PKIB: variants seen among roughly 807,000 people sequenced by gnomAD.
PKIB encodes the protein PKI-beta.
Under a neutral mutation model 4.5 loss-of-function variants are expected in PKIB, and 2 were observed. The observed-to-expected ratio is 0.44, with a 90% confidence interval of 0.18 to 1.39. The LOEUF is 1.39. Ranked by LOEUF, PKIB falls within the 40% of genes most tolerant of loss-of-function variation. The probability of loss-of-function intolerance (pLI) is 0.27; values close to 1 mark genes in which losing one functional copy is unlikely to be tolerated. For missense variants in PKIB, 94 were observed against 92.6 expected, an observed-to-expected ratio of 1.02 and a Z score of -0.06; for synonymous variants, 38 against 36.0, an observed-to-expected ratio of 1.06 and a Z score of -0.20.
At chr6:122,660,144 G>T (rs376836847) in intron 2 of PKIB, among the ~76,000 whole-genome samples, 2 of 152,184 alleles carry the variant, frequency 1.3e-5, no homozygotes, top group East Asian at 3.9e-4. Context: ...GAGCCTGGTG[G>T]ATTCTGACAT....
At chr6:122,509,692 A>C (rs547047604) in intron 2 of PKIB, among the ~76,000 whole-genome samples, 2 of 152,264 alleles carry the variant, frequency 1.3e-5, no homozygotes, top group Admixed American at 6.5e-5. Flanking sequence ...CGGCCTCCCA[A>C]AGTGCTGGGA....
chr6:122,628,280 G>A (rs1314714259), intron 1 of PKIB, among the ~76,000 whole-genome samples: 2 of 152,080 alleles, frequency 1.3e-5, no homozygotes, highest in Admixed American at 6.6e-5. Context: ...CAGGTGATCC[G>A]CCTACCTCGG....
chr6:122,590,090 G>A (rs578254875), intron 3 of PKIB, among the ~76,000 whole-genome samples: 2 of 152,200 alleles, frequency 1.3e-5, no homozygotes, highest in African/African-American at 2.4e-5. Context: ...TTGGGAAAAC[G>A]GTAAAGTATT....
intron 1 of PKIB, among the ~76,000 whole-genome samples, chr6:122,626,182 TACTA>T (rs1479685610): frequency 4.6e-5 from 7 of 152,250 alleles, no homozygotes; most frequent in African/African-American, 1.4e-4. Context: ...TGTGAACACT[TACTA>T]ATCAATATAC....
intron 3 of PKIB, among the ~76,000 whole-genome samples, chr6:122,702,122 C>G (rs886074512): frequency 6.6e-6 from 1 of 152,152 alleles, no homozygotes; most frequent in Non-Finnish European, 1.5e-5. Context: ...GAAAGACTCT[C>G]TTAATAACTT....
At chr6:122,629,182 G>A (rs183890641) in intron 1 of PKIB, among the ~76,000 whole-genome samples, 7 of 152,214 alleles carry the variant, frequency 4.6e-5, no homozygotes, top group Admixed American at 6.5e-5. Context: ...CTTGAATAAG[G>A]CTTTTCTCAG....
At chr6:122,638,675 A>G (rs1776019134) in intron 2 of PKIB, among the ~76,000 whole-genome samples, 1 of 152,036 alleles carries the variant, frequency 6.6e-6, no homozygotes, top group African/African-American at 2.4e-5. Context: ...TAGCACTTCA[A>G]CTCTTTTTAT....
chr6:122,680,030 A>C (rs1464356190), intron 3 of PKIB, among the ~76,000 whole-genome samples: 1 of 152,246 alleles, frequency 6.6e-6, no homozygotes, highest in East Asian at 1.9e-4. Flanking sequence ...TTCTGTAAAA[A>C]TAGGTCAATT....
At chr6:122,602,204 A>G (rs952002228) in intron 3 of PKIB, among the ~76,000 whole-genome samples, 4 of 152,178 alleles carry the variant, frequency 2.6e-5, no homozygotes, top group Admixed American at 2.6e-4. Context: ...GATGTAAATT[A>G]CTGTGCTTCA....
chr6:122,607,097 TA>T (rs1228295950), upstream of PKIB, among the ~76,000 whole-genome samples: 1 of 149,270 alleles, frequency 6.7e-6, no homozygotes, highest in Non-Finnish European at 1.5e-5. Flanking sequence ...ATAATAATAA[TA>T]AATAAATAAA....
intron 2 of PKIB, among the ~76,000 whole-genome samples, chr6:122,560,262 T>G (rs1772974261): frequency 6.6e-6 from 1 of 151,986 alleles, no homozygotes; most frequent in Admixed American, 6.6e-5. Flanking sequence ...AGATGTTGGA[T>G]TTTGTTGAAT....
chr6:122,474,634 C>T (rs984781095), intron 1 of PKIB, among the ~76,000 whole-genome samples: 2 of 152,166 alleles, frequency 1.3e-5, no homozygotes, highest in Non-Finnish European at 1.5e-5. Flanking sequence ...TAGACTTTAA[C>T]ATTCAAATAA....
chr6:122,675,032 T>C (rs564282581), intron 2 of PKIB, 46 bp from the exon 3 acceptor site: 1 of 150,918 alleles, frequency 6.6e-6, no homozygotes, highest in African/African-American at 2.5e-5. Context: ...ATTAACTGGA[T>C]TGCCACCTTT....
intron 2 of PKIB, among the ~76,000 whole-genome samples, chr6:122,562,004 G>GTTTTT (rs758656278): frequency 1.3e-5 from 1 of 79,478 alleles, no homozygotes; most frequent in African/African-American, 5.1e-5. Flanking sequence ...GTTTTTTTTT[G>GTTTTT]TTTTTTTTTT....
intron 2 of PKIB, among the ~76,000 whole-genome samples, chr6:122,563,554 C>G (rs1835474): frequency 0.15 from 22,854 of 151,872 alleles, 1,782 homozygotes; most frequent in East Asian, 0.21. Context: ...TCTTCTGCTA[C>G]CAGGGAGGGT....
intron 1 of PKIB, among the ~76,000 whole-genome samples, chr6:122,619,057 T>G (rs1775108327): frequency 6.6e-6 from 1 of 152,164 alleles, no homozygotes; most frequent in African/African-American, 2.4e-5. Context: ...TTTTTATGAA[T>G]TGTTATTTTA....
rs200010066 is a variant in PKIB at position 122,571,056 on chromosome 6, AC to A, written c.-247-14864del. ...AGAGAGATGGATATCATAAAAAAAA[AC>A]AATCAGAACTTCTGGAAATAAAAGA... On this transcript the variant is annotated intron_variant, in intron 2 of 6. Transcript: ENST00000392491. Among the ~76,000 whole-genome samples, 1,372 of 152,214 alleles carry A rather than the reference AC, an allele frequency of 9.0e-3. 23 individuals carry two copies. The highest frequency in any genetic ancestry group is 0.03 in the African/African-American group (1,248 of 41,516).
chr6:122,621,945 A>G (rs1482247655), intron 1 of PKIB, among the ~76,000 whole-genome samples: 1 of 152,160 alleles, frequency 6.6e-6, no homozygotes, highest in Non-Finnish European at 1.5e-5. Context: ...TTTTAGATGG[A>G]TTGACTCGGT....
At chr6:122,562,525 T>C (rs1773066345) in intron 2 of PKIB, among the ~76,000 whole-genome samples, 1 of 152,236 alleles carries the variant, frequency 6.6e-6, no homozygotes, top group African/African-American at 2.4e-5. Flanking sequence ...GGAGAAGTCT[T>C]CCTCAATTAT....
Sources: gnomAD v4.1 joint callset for allele counts (sites outside exome capture counted in the v4.1 genomes callset) on GRCh38, gnomAD v4.1.1 for gene constraint, MANE v1.5 for transcripts, NCBI Gene and HGNC (gene_info 2026-07-23, HGNC 2026-07-21) for gene names.